PCDH15: variants seen among roughly 807,000 people sequenced by gnomAD.
The protein encoded by PCDH15 is protocadherin related 15, also known as protocadherin-15.
In PCDH15, 129 loss-of-function variants were observed where a neutral mutation model predicts 178.5. The observed-to-expected ratio is 0.72, with a 90% CI of 0.63 to 0.84. The LOEUF (loss-of-function observed/expected upper bound fraction) is 0.84. Among genes scored for constraint, PCDH15 ranks in the 40% least tolerant of loss-of-function variants. PCDH15 has a pLI of 0.00. For synonymous variants in PCDH15, 800 were observed against 732.0 expected (o/e 1.09, Z -1.50); for missense variants, 2,230 against 2,099.9 (o/e 1.06, Z -1.21).
intron 3 of PCDH15, among the ~76,000 whole-genome samples, chr10:54,862,861 C>G (rs1006934281): frequency 6.6e-6 from 1 of 152,058 alleles, no homozygotes; most frequent in Non-Finnish European, 1.5e-5. Flanking sequence ...GAATTATGAA[C>G]CAAATAAACC....
At chr10:53,811,757 A>G in intron 35 of PCDH15, 138 bp from the exon 36 acceptor site, 1 of 486,474 alleles carries the variant, frequency 2.1e-6, no homozygotes, top group Non-Finnish European at 3.6e-6. Context: ...GTGTCAGTTA[A>G]AGCAATTAAA....
chr10:54,559,122 T>C (rs1192452898), intron 2 of PCDH15, among the ~76,000 whole-genome samples: 1 of 152,052 alleles, frequency 6.6e-6, no homozygotes, highest in Admixed American at 6.6e-5. Flanking sequence ...TTTTCTCTTC[T>C]CTTTTCTTTT....
At chr10:55,225,467 G>A (rs552040975) in intron 1 of PCDH15, among the ~76,000 whole-genome samples, 1 of 152,176 alleles carries the variant, frequency 6.6e-6, no homozygotes, top group Non-Finnish European at 1.5e-5. Context: ...GGATAGCCAA[G>A]TGGCAACAGC....
chr10:53,809,599 T>A, intron 37 of PCDH15: 2 of 1,541,484 alleles, frequency 1.3e-6, no homozygotes, highest in Non-Finnish European at 8.8e-7. Context: ...AGCTATGGTA[T>A]GACCTTGTCC....
At chr10:55,148,606 A>G (rs932040324) in intron 2 of PCDH15, among the ~76,000 whole-genome samples, 26 of 151,948 alleles carry the variant, frequency 1.7e-4, no homozygotes, top group African/African-American at 5.5e-4. Flanking sequence ...TTTCAGATCT[A>G]CAATTAAATG....
chr10:55,425,767 T>A (rs1330080482), intron 2 of PCDH15, among the ~76,000 whole-genome samples: 2 of 152,194 alleles, frequency 1.3e-5, no homozygotes, highest in Non-Finnish European at 2.9e-5. Flanking sequence ...TGAATGTTTG[T>A]CTTATAAGCT....
At chr10:55,549,769 GTT>G (rs1363314686) in intron 2 of PCDH15, among the ~76,000 whole-genome samples, 2 of 152,102 alleles carry the variant, frequency 1.3e-5, no homozygotes, top group Non-Finnish European at 2.9e-5. Context: ...CTTAGGTCCT[GTT>G]TTGTCACTAA....
intron 2 of PCDH15, among the ~76,000 whole-genome samples, chr10:55,336,124 GAAA>G (rs748988261): frequency 0.17 from 10,095 of 57,938 alleles, 317 homozygotes; most frequent in Non-Finnish European, 0.24. Context: ...CTTGGTATTT[GAAA>G]AAAAAAAAAA....
intron 3 of PCDH15, among the ~76,000 whole-genome samples, chr10:54,825,040 C>T (rs1263241438): frequency 6.6e-6 from 1 of 152,038 alleles, no homozygotes; most frequent in Admixed American, 6.6e-5. Flanking sequence ...CACCCCACAA[C>T]AGTCTCCTGT....
chr10:54,074,733 T>C (rs551625184), intron 17 of PCDH15, among the ~76,000 whole-genome samples: 9 of 152,324 alleles, frequency 5.9e-5, no homozygotes, highest in Non-Finnish European at 1.3e-4. Flanking sequence ...TGGGGGCTCA[T>C]ATAGTAATTC....
intron 14 of PCDH15, among the ~76,000 whole-genome samples, chr10:54,148,260 C>T (rs1437842629): frequency 1.3e-5 from 2 of 151,924 alleles, no homozygotes; most frequent in African/African-American, 2.4e-5. Context: ...TTATCAGGTT[C>T]AGGCATACAG....
intron 8 of PCDH15, among the ~76,000 whole-genome samples, chr10:54,267,309 G>A (rs1395001422): frequency 2.0e-5 from 3 of 151,738 alleles, no homozygotes; most frequent in African/African-American, 7.3e-5. Context: ...GACAAACCCA[G>A]TCTACATTAT....
chr10:54,250,979 A>G (rs2056425212), intron 8 of PCDH15, among the ~76,000 whole-genome samples: 1 of 152,126 alleles, frequency 6.6e-6, no homozygotes, highest in African/African-American at 2.4e-5. Context: ...TTAAAAATAC[A>G]TATTTAGATT....
chr10:54,356,873 T>C (rs888983638), intron 5 of PCDH15, among the ~76,000 whole-genome samples: 1 of 152,096 alleles, frequency 6.6e-6, no homozygotes, highest in Non-Finnish European at 1.5e-5. Flanking sequence ...AATCAATAAA[T>C]GTAATCCCCC....
intron 1 of PCDH15, among the ~76,000 whole-genome samples, chr10:55,314,598 T>G (rs1843677163): frequency 6.6e-6 from 1 of 151,652 alleles, no homozygotes; most frequent in Non-Finnish European, 1.5e-5. Flanking sequence ...AAATTCCAAC[T>G]GCCTGTAACT....
At chr10:53,937,685 A>G (rs2085697978) in intron 25 of PCDH15, among the ~76,000 whole-genome samples, 1 of 152,154 alleles carries the variant, frequency 6.6e-6, no homozygotes, top group Admixed American at 6.6e-5. Flanking sequence ...GAGGTTCACG[A>G]TAAATGAAAA....
chr10:53,933,730 A>T (rs1182599643), intron 25 of PCDH15, among the ~76,000 whole-genome samples: 1 of 152,088 alleles, frequency 6.6e-6, no homozygotes, highest in Non-Finnish European at 1.5e-5. Context: ...CTAGTTCTAG[A>T]TCCCTGAGGA....
chr10:55,316,765 T>C (rs950596550), intron 1 of PCDH15, among the ~76,000 whole-genome samples: 4 of 152,190 alleles, frequency 2.6e-5, no homozygotes, highest in Non-Finnish European at 5.9e-5. Context: ...TAATATGTTA[T>C]TCATAATGTT....
intron 1 of PCDH15, among the ~76,000 whole-genome samples, chr10:55,309,840 C>T (rs1025741538): frequency 3.3e-5 from 5 of 152,108 alleles, no homozygotes; most frequent in African/African-American, 1.2e-4. Flanking sequence ...AATGTCTTCC[C>T]TTACTTGAGA....
Sources: gnomAD v4.1 joint callset for allele counts (sites outside exome capture counted in the v4.1 genomes callset) on GRCh38, gnomAD v4.1.1 for gene constraint, MANE v1.5 for transcripts, NCBI Gene and HGNC (gene_info 2026-07-23, HGNC 2026-07-21) for gene names.